Variants in ATXN1 observed in about 807,000 individuals in gnomAD.
The protein encoded by ATXN1 is ataxin-1.
In ATXN1, 8 loss-of-function variants were observed where a neutral mutation model predicts 56.4. The observed-to-expected ratio is 0.14, with a 90% CI of 0.08 to 0.26. ATXN1 has a LOEUF of 0.26. Ranked by LOEUF, ATXN1 falls within the 10% of genes least tolerant of loss-of-function variation. The pLI, the probability that ATXN1 is intolerant of heterozygous loss-of-function variation, is 1.00. For missense variants in ATXN1, 987 were observed against 1,106.5 expected, an observed-to-expected ratio of 0.89 and a Z score of 1.53; for synonymous variants, 514 against 494.6, an observed-to-expected ratio of 1.04 and a Z score of -0.52.
chr6:16,530,147 T>C (rs1761474484), intron 4 of ATXN1, among the ~76,000 whole-genome samples: 1 of 152,220 alleles, frequency 6.6e-6, no homozygotes, highest in Non-Finnish European at 1.5e-5. Flanking sequence ...GAAATACTCC[T>C]CTGATATTGG....
intron 3 of ATXN1, among the ~76,000 whole-genome samples, chr6:16,587,017 A>G (rs76574906): frequency 5.7e-5 from 7 of 123,004 alleles, no homozygotes; most frequent in Non-Finnish European, 1.1e-4. Flanking sequence ...ACTCTGTCTC[A>G]AAAAAAAAAA....
At chr6:16,755,718 T>TAAA (rs368926707) in intron 1 of ATXN1, among the ~76,000 whole-genome samples, 2 of 134,864 alleles carry the variant, frequency 1.5e-5, no homozygotes, top group Admixed American at 1.5e-4. Flanking sequence ...CACCTAAGTG[T>TAAA]AAAAAAAAAA....
intron 4 of ATXN1, among the ~76,000 whole-genome samples, chr6:16,559,189 G>A (rs561851943): frequency 1.1e-4 from 17 of 152,186 alleles, no homozygotes; most frequent in African/African-American, 3.4e-4. Context: ...ACAATAGGAC[G>A]AATGCCAAAT....
At position 16,445,314 on chromosome 6, in the gene ATXN1, A is replaced by T. The variant is rs149378735; in HGVS notation, c.-161+40658T>A. Among the ~76,000 whole-genome samples, 330 of 152,282 alleles carry T rather than the reference A, an allele frequency of 2.2e-3. 3 individuals carry two copies. The highest frequency in any genetic ancestry group is 7.3e-3 in the African/African-American group (303 of 41,560). ...ATTTATAGAAATAGTAAAATATTTT[A>T]TAGATATTTTGAGTCAACAGCAATC... On this transcript the variant is annotated intron_variant, in intron 6 of 7. Coordinates refer to ENST00000436367, the MANE Select transcript of ATXN1 (RefSeq NM_001128164.2).
In ATXN1 at chr6:16,760,982, GC is replaced by G. The variant is rs1394922050; in HGVS notation, c.-730+315del. Reference sequence around the variant, plus strand: ...GCGGGCGCCCACCCAGCCCCTGACAGCCCCCCCGCCGGCCGCCCCTGCGCCC... The same window carrying G: ...GCGGGCGCCCACCCAGCCCCTGACAGCCCCCCGCCGGCCGCCCCTGCGCCC... On this transcript the variant is annotated intron_variant, in intron 1 of 7. Transcript: ENST00000436367. This position sits in a 1 kb window ranked among gnomAD's most constrained non-coding sequence, Gnocchi z 5.3. Among the ~76,000 whole-genome samples, 7 of 148,246 alleles carry G rather than the reference GC, an allele frequency of 4.7e-5. No homozygotes were observed. The highest frequency in any genetic ancestry group is 2.0e-4 in the Admixed American group (3 of 15,004).
chr6:16,321,014 T>G (rs1760637524), intron 7 of ATXN1, among the ~76,000 whole-genome samples: 1 of 152,212 alleles, frequency 6.6e-6, no homozygotes, highest in South Asian at 2.1e-4. Flanking sequence ...ATTTTTCAGC[T>G]GTGAATCACT....
intron 2 of ATXN1, among the ~76,000 whole-genome samples, chr6:16,678,567 G>GAT (rs1478914198): frequency 1.3e-5 from 2 of 152,184 alleles, no homozygotes; most frequent in Non-Finnish European, 2.9e-5. Context: ...AGGAACATAG[G>GAT]ATGTGGAATT....
chr6:16,760,981 A>C lies in ATXN1; in HGVS notation c.-730+317T>G. 6.9e-6 allele frequency among the ~76,000 whole-genome samples: 1 copy of C among 145,016 alleles called. No individual in the cohort carries two copies. Among genetic ancestry groups the C allele is most frequent in the Non-Finnish European group, 1.5e-5 (1 of 65,388 alleles). On this transcript the variant is annotated intron_variant, in intron 1 of 7. Transcript: ENST00000436367. This position sits in a 1 kb window ranked among gnomAD's most constrained non-coding sequence, Gnocchi z 5.3. ...GGCGGGCGCCCACCCAGCCCCTGACAGCCCCCCCGCCGGCCGCCCCTGCGC... is the reference window on the plus strand; with the variant it reads ...GGCGGGCGCCCACCCAGCCCCTGACCGCCCCCCCGCCGGCCGCCCCTGCGC...
intron 2 of ATXN1, among the ~76,000 whole-genome samples, chr6:16,725,990 C>T (rs992806557): frequency 6.6e-6 from 1 of 152,158 alleles, no homozygotes; most frequent in South Asian, 2.1e-4. Context: ...CCCCACAATA[C>T]CCACATAATT....
chr6:16,409,003 A>C (rs1009832574), intron 6 of ATXN1, among the ~76,000 whole-genome samples: 3 of 152,246 alleles, frequency 2.0e-5, no homozygotes, highest in African/African-American at 7.2e-5. Flanking sequence ...TAAAAAGAAT[A>C]CATGGGTTCT....
chr6:16,462,738 A>AC lies in ATXN1; in HGVS notation c.-161+23233dup, dbSNP rs1760024477. Among the ~76,000 whole-genome samples, 3 of 152,232 alleles carry AC rather than the reference A, an allele frequency of 2.0e-5. No homozygotes were observed. The South Asian group carries it at 6.2e-4, about 32-fold the overall frequency. On this transcript the variant is annotated intron_variant, in intron 6 of 7. Coordinates refer to ENST00000436367, the MANE Select transcript of ATXN1 (RefSeq NM_001128164.2). ...CAAGCCCCGTTATGCATCCAACGCAACCTGTTATCAGGCCTGCCCCTGGGG... is the reference window on the plus strand; with the variant it reads ...CAAGCCCCGTTATGCATCCAACGCAACCCTGTTATCAGGCCTGCCCCTGGGG...
chr6:16,550,799 A>C (rs1486007223), intron 4 of ATXN1, among the ~76,000 whole-genome samples: 3 of 152,348 alleles, frequency 2.0e-5, no homozygotes, highest in Middle Eastern at 3.4e-3. Flanking sequence ...TTTTTTCTTG[A>C]CTATAAGCAA....
rs1343346319 is a variant in ATXN1, at chr6:16,306,562, A to C, written c.2215T>G (p.Ser739Ala). 1 of 1,614,196 alleles carries C rather than the reference A, an allele frequency of 6.2e-7. No homozygotes were observed. Residue 739 changes from serine to alanine, a missense_variant, in exon 8 of 8, where the codon TCT becomes GCT. Physicochemically the swap from Ser to Ala is moderately conservative, Grantham distance 99 (BLOSUM62 1). Transcript: ENST00000436367. This position sits in a 1 kb window ranked among gnomAD's most constrained non-coding sequence, Gnocchi z 5.2. ...GINQGSAQML[S>A]ENGELKFPEK... The stretch of plus-strand genomic sequence containing the variant: ...GGAAACTTCAGTTCGCCATTCTCAG[A>C]GAGCATCTGGGCACTCCCCTGGTTG...
chr6:16,707,289 G>A (rs1581382621), intron 2 of ATXN1, among the ~76,000 whole-genome samples: 1 of 152,290 alleles, frequency 6.6e-6, no homozygotes. Context: ...ATTTGGGAGG[G>A]AAGAGAATAG....
chr6:16,391,682 G>A (rs952698163), intron 6 of ATXN1, among the ~76,000 whole-genome samples: 7 of 152,156 alleles, frequency 4.6e-5, no homozygotes, highest in African/African-American at 1.7e-4. Context: ...AAGAATGCTG[G>A]CTCTGGAAGG....
At chr6:16,508,554 A>G (rs1193640572) in intron 5 of ATXN1, among the ~76,000 whole-genome samples, 1 of 152,192 alleles carries the variant, frequency 6.6e-6, no homozygotes, top group African/African-American at 2.4e-5. Flanking sequence ...ATCCCCTAAA[A>G]AAAGGTCTCA....
intron 4 of ATXN1, among the ~76,000 whole-genome samples, chr6:16,558,819 TG>T (rs1440251042): frequency 6.6e-6 from 1 of 152,200 alleles, no homozygotes. Context: ...TTTAAAACCC[TG>T]CATGAAGAAA....
chr6:16,328,391 T>G lies in ATXN1; in HGVS notation c.-81A>C. 1 of 1,413,174 alleles carries G rather than the reference T, an allele frequency of 7.1e-7. No homozygotes were observed. Among genetic ancestry groups the G allele is most frequent in the Non-Finnish European group, 9.2e-7 (1 of 1,087,314 alleles). 87.5% of individuals were successfully genotyped at this position (1,413,174 alleles called of 1,614,324 possible). A position where few individuals can be genotyped will look rare whatever the true frequency, so the allele number is the denominator to read the frequency against. ...TAGTCTGATAAACGGAAAGTCACATTTGATTTCTGTAGGGGATCCAGGCTC... is the reference window on the plus strand; with the variant it reads ...TAGTCTGATAAACGGAAAGTCACATGTGATTTCTGTAGGGGATCCAGGCTC... On this transcript the variant is annotated 5_prime_UTR_variant, in exon 7 of 8. Transcript: ENST00000436367. This position sits in a 1 kb window ranked among gnomAD's most constrained non-coding sequence, Gnocchi z 6.2.
intron 5 of ATXN1, among the ~76,000 whole-genome samples, chr6:16,517,136 T>C (rs1761197950): frequency 6.6e-6 from 1 of 152,274 alleles, no homozygotes; most frequent in Non-Finnish European, 1.5e-5. Flanking sequence ...GAATTTATCT[T>C]AGCCATGGCC....
Sources: allele counts gnomAD v4.1 joint callset (sites outside exome capture counted in the v4.1 genomes callset), GRCh38; gene constraint gnomAD v4.1.1; non-coding constraint Gnocchi (gnomAD v3.1); transcripts MANE v1.5; gene names NCBI Gene and HGNC (gene_info 2026-07-23, HGNC 2026-07-21).